Variants in PCDHGA8 observed in about 807,000 individuals in gnomAD.
The protein encoded by PCDHGA8 is protocadherin gamma subfamily A, 8.
Under a neutral mutation model 59.2 loss-of-function variants are expected in PCDHGA8, and 45 were observed. That is an observed-to-expected ratio of 0.76 (90% confidence interval 0.60 to 0.98). The LOEUF is 0.98. Among genes scored for constraint, PCDHGA8 ranks in the 50% least tolerant of loss-of-function variants. The probability of loss-of-function intolerance (pLI) is 0.00; values close to 1 mark genes in which losing one functional copy is unlikely to be tolerated. For synonymous variants in PCDHGA8, 531 were observed against 519.0 expected, an observed-to-expected ratio of 1.02 and a Z score of -0.32; for missense variants, 1,257 against 1,196.2, an observed-to-expected ratio of 1.05 and a Z score of -0.75.
intron 1 of PCDHGA8, chr5:141,398,768 C>T (rs1177677138): frequency 6.2e-6 from 10 of 1,613,946 alleles, no homozygotes; most frequent in South Asian, 1.1e-5. Context: ...GTCCTGACTG[C>T]CTTGGACGGT....
At chr5:141,461,013 C>G (rs981329088) in intron 1 of PCDHGA8, among the ~76,000 whole-genome samples, 2 of 148,522 alleles carry the variant, frequency 1.3e-5, no homozygotes, top group Non-Finnish European at 3.0e-5. Flanking sequence ...ATATATATAC[C>G]ACATTTTCTT....
At chr5:141,408,192 C>A (rs2095055859) in intron 1 of PCDHGA8, 1 of 1,545,004 alleles carries the variant, frequency 6.5e-7, no homozygotes, top group South Asian at 1.2e-5. Flanking sequence ...CAGCGAGAAC[C>A]CGAGCGAACG....
chr5:141,395,097 G>A lies in PCDHGA8; in HGVS notation c.2284G>A (p.Asp762Asn), dbSNP rs376460647. The A allele has an allele frequency of 1.3e-5, 21 of 1,614,040 alleles. No homozygotes were observed. Among genetic ancestry groups the A allele is most frequent in the Non-Finnish European group, 1.7e-5 (20 of 1,180,038 alleles). The change falls in exon 1 of 4, where the codon GAC becomes AAC. Residue 762 changes from aspartate (D) to asparagine (N), a missense_variant. By Grantham distance (23) the Asp-to-Asn change is conservative (BLOSUM62 1). Coordinates refer to ENST00000398604, the MANE Select transcript of PCDHGA8 (RefSeq NM_032088.2). ...TTCCCAGGAAGTCTCCCTCACCGCC[G>A]ACTCGCGGAAGAGTCACCTGATCTT... ...TYSQEVSLTA[D>N]SRKSHLIFPQ...
Position 141,476,836 on chromosome 5 carries a change from T to G in PCDHGA8, c.2425-17971T>G. 1 of 1,613,652 alleles carries G rather than the reference T, an allele frequency of 6.2e-7. No homozygotes were observed. The highest frequency in any genetic ancestry group is 8.5e-7 in the Non-Finnish European group (1 of 1,180,042). On this transcript the variant is annotated intron_variant, in intron 1 of 3. Coordinates refer to ENST00000398604, the MANE Select transcript of PCDHGA8 (RefSeq NM_032088.2). The surrounding 1 kb of genome is among the most constrained non-coding windows in gnomAD (Gnocchi z 7.6). ...TCAAGGTGCTGGACGCGAATGACAATGCGCCTGTCTTCAACCAGTCCTTGT... is the reference window on the plus strand; with the variant it reads ...TCAAGGTGCTGGACGCGAATGACAAGGCGCCTGTCTTCAACCAGTCCTTGT...
Position 141,404,574 on chromosome 5 carries a change from C to G in PCDHGA8, c.2424+9337C>G, listed in dbSNP as rs185791741. 3 of 1,613,908 alleles carry G rather than the reference C, an allele frequency of 1.9e-6. No individual in the cohort carries two copies. The East Asian group carries it at 6.7e-5, about 36-fold the overall frequency. The stretch of plus-strand genomic sequence containing the variant: ...ACGGCAAGTGACAGTGGAAGCCCAC[C>G]ACTTAGCAGCAATGTGTCATTGAGA... On this transcript the variant is annotated intron_variant, in intron 1 of 3. Coordinates refer to ENST00000398604, the MANE Select transcript of PCDHGA8 (RefSeq NM_032088.2).
Position 141,512,836 on chromosome 5 carries a change from T to G in PCDHGA8, c.*1663T>G, listed in dbSNP as rs1024777792. On this transcript the variant is annotated 3_prime_UTR_variant, in exon 4 of 4. Transcript: ENST00000398604. ...GGCGACCCCCTCCCCCGTACTGACTTCTCCTATAAGCGCTTCTCTTCGCAT... is the reference window on the plus strand; with the variant it reads ...GGCGACCCCCTCCCCCGTACTGACTGCTCCTATAAGCGCTTCTCTTCGCAT... 2 of 152,222 alleles carry G rather than the reference T, an allele frequency of 1.3e-5. No homozygotes were observed. Among genetic ancestry groups the G allele is most frequent in the African/African-American group, 4.8e-5 (2 of 41,412 alleles). The allele number at this position is 152,222 out of a possible 1,614,324, so 9.4% of individuals were successfully genotyped here. A position where few individuals can be genotyped will look rare whatever the true frequency, so the allele number is the denominator to read the frequency against.
intron 1 of PCDHGA8, chr5:141,418,840 C>T: frequency 6.2e-7 from 1 of 1,614,006 alleles, no homozygotes; most frequent in Middle Eastern, 1.6e-4. Context: ...GAGGATCTCT[C>T]TCAACACGGT....
intron 1 of PCDHGA8, chr5:141,468,381 G>A (rs1297428363): frequency 2.0e-5 from 3 of 149,754 alleles, no homozygotes; most frequent in South Asian, 2.1e-4. Flanking sequence ...AGCCATACAA[G>A]GCTACCCATT....
At chr5:141,404,022 G>C (rs2094476462) in intron 1 of PCDHGA8, 1 of 1,613,754 alleles carries the variant, frequency 6.2e-7, no homozygotes, top group Admixed American at 1.7e-5. Context: ...AGCCCAGTGA[G>C]AGAAGACGCA....
At chr5:141,443,953 T>C (rs1373953428) in intron 1 of PCDHGA8, among the ~76,000 whole-genome samples, 1 of 152,142 alleles carries the variant, frequency 6.6e-6, no homozygotes, top group Non-Finnish European at 1.5e-5. Context: ...CTTATTGGTA[T>C]GTATTCTGTG....
intron 1 of PCDHGA8, chr5:141,429,222 T>C (rs897099159): frequency 6.6e-6 from 1 of 151,494 alleles, no homozygotes; most frequent in Non-Finnish European, 1.5e-5. Context: ...AAAGTGGGTA[T>C]TATGATACTG....
intron 1 of PCDHGA8, chr5:141,478,463 G>A: frequency 6.2e-7 from 1 of 1,613,424 alleles, no homozygotes; most frequent in South Asian, 1.1e-5. Context: ...CAGTCCACTG[G>A]CCAGCCGCCA....
chr5:141,415,654 A>ATTGGT, intron 1 of PCDHGA8: 1 of 1,573,242 alleles, frequency 6.4e-7, no homozygotes, highest in Non-Finnish European at 8.6e-7. Flanking sequence ...AAAAAAAAAG[A>ATTGGT]TTGGTTTTTA....
chr5:141,473,186 T>C (rs984810414), intron 1 of PCDHGA8, among the ~76,000 whole-genome samples: 1 of 152,134 alleles, frequency 6.6e-6, no homozygotes, highest in African/African-American at 2.4e-5. Flanking sequence ...CTTGAAGGAG[T>C]AAATGTATCT....
At chr5:141,414,567 T>C in intron 1 of PCDHGA8, 1 of 1,613,962 alleles carries the variant, frequency 6.2e-7, no homozygotes, top group Non-Finnish European at 8.5e-7. Context: ...ACTTTACCTA[T>C]ATCCCAGAGA....
intron 1 of PCDHGA8, chr5:141,396,659 A>G (rs2093416733): frequency 6.6e-6 from 1 of 151,984 alleles, no homozygotes; most frequent in African/African-American, 2.4e-5. Context: ...AAAACTCGGT[A>G]TAGGCTATCC....
intron 1 of PCDHGA8, chr5:141,423,320 T>C: frequency 6.2e-7 from 1 of 1,614,148 alleles, no homozygotes; most frequent in Non-Finnish European, 8.5e-7. Flanking sequence ...GTGGTGGCGG[T>C]GGCCGCAGTC....
chr5:141,398,675 A>G (rs1462726875), intron 1 of PCDHGA8: 10 of 1,613,974 alleles, frequency 6.2e-6, no homozygotes, highest in East Asian at 2.2e-5. Context: ...TTAATAATTA[A>G]GGAGAAACAG....
chr5:141,394,300 T>G lies in PCDHGA8; in HGVS notation c.1487T>G (p.Leu496Arg), dbSNP rs753637808. Residue 496 changes from leucine to arginine, a missense_variant, in exon 1 of 4, where the codon CTG (leucine) becomes CGG (arginine). By Grantham distance (102) the Leu-to-Arg change is moderately radical. Transcript: ENST00000398604. ...ACTTACTCTGTGACCGAGGACACGC[T>G]GCAGGGGGCGCCCCTGTCCTCGTAT... is the stretch of plus-strand genomic sequence containing the variant. The part of the protein sequence containing the change: ...QVTYSVTEDT[L>R]QGAPLSSYIS... 2 of 1,613,820 alleles carry G rather than the reference T, an allele frequency of 1.2e-6. No individual in the cohort carries two copies. The highest frequency in any genetic ancestry group is 2.7e-5 in the African/African-American group (2 of 74,904).
Sources: allele counts gnomAD v4.1 joint callset (sites outside exome capture counted in the v4.1 genomes callset), GRCh38; gene constraint gnomAD v4.1.1; non-coding constraint Gnocchi (gnomAD v3.1); transcripts MANE v1.5; gene names NCBI Gene and HGNC (gene_info 2026-07-23, HGNC 2026-07-21).